The following KCNQ5 variants were observed in gnomAD, a reference collection of about 807,000 sequenced individuals.
KCNQ5 encodes potassium voltage-gated channel subfamily Q member 5.
Under a neutral mutation model 98.2 loss-of-function variants are expected in KCNQ5, and 30 were observed. The observed-to-expected ratio is 0.31, with a 90% CI of 0.23 to 0.41. KCNQ5 has a LOEUF of 0.41. KCNQ5 is among the 10% of genes least tolerant of loss of function. The probability of loss-of-function intolerance (pLI) is 1.00; values close to 1 mark genes in which losing one functional copy is unlikely to be tolerated. For missense variants in KCNQ5, 835 were observed against 1,182.5 expected (o/e 0.71, Z 4.31); for synonymous variants, 458 against 449.4 (o/e 1.02, Z -0.24).
chr6:72,807,933 G>A (rs1775033833), intron 1 of KCNQ5, among the ~76,000 whole-genome samples: 1 of 152,178 alleles, frequency 6.6e-6, no homozygotes, highest in African/African-American at 2.4e-5. Flanking sequence ...GGGGTAACTG[G>A]AAGTCCAGTA....
intron 1 of KCNQ5, among the ~76,000 whole-genome samples, chr6:72,973,808 C>G (rs916675748): frequency 6.6e-6 from 1 of 152,170 alleles, no homozygotes; most frequent in Non-Finnish European, 1.5e-5. Context: ...GAACTTAGTT[C>G]TGCCAAAGAA....
chr6:72,853,544 A>G (rs909458680), intron 1 of KCNQ5, among the ~76,000 whole-genome samples: 3 of 152,134 alleles, frequency 2.0e-5, no homozygotes, highest in African/African-American at 7.2e-5. Context: ...GGATTTCGCC[A>G]TGTTGGCCAA....
intron 5 of KCNQ5, among the ~76,000 whole-genome samples, chr6:73,083,392 AAC>A (rs1285577597): frequency 2.6e-5 from 4 of 152,194 alleles, no homozygotes; most frequent in African/African-American, 9.7e-5. Flanking sequence ...ATCAGGGGTG[AAC>A]ACACAACTAT....
chr6:72,632,177 G>C (rs1366214965), intron 1 of KCNQ5, among the ~76,000 whole-genome samples: 26 of 102,842 alleles, frequency 2.5e-4, no homozygotes, highest in African/African-American at 8.7e-4. Context: ...TCACTCTATT[G>C]CCCAGGCTGG....
At chr6:72,831,253 C>A (rs1776253743) in intron 1 of KCNQ5, among the ~76,000 whole-genome samples, 1 of 152,190 alleles carries the variant, frequency 6.6e-6, no homozygotes, top group Non-Finnish European at 1.5e-5. Context: ...GATTATAAAT[C>A]ATGCTGCTAT....
At chr6:72,755,403 T>C (rs949184399) in intron 1 of KCNQ5, among the ~76,000 whole-genome samples, 1 of 152,132 alleles carries the variant, frequency 6.6e-6, no homozygotes, top group Non-Finnish European at 1.5e-5. Flanking sequence ...ATTGATGTAA[T>C]ATGTTCTTTG....
At chr6:73,087,117 A>T (rs1026748504) in intron 5 of KCNQ5, among the ~76,000 whole-genome samples, 1 of 152,260 alleles carries the variant, frequency 6.6e-6, no homozygotes, top group African/African-American at 2.4e-5. Context: ...TGGAAATAAG[A>T]AAATGATACC....
At chr6:72,700,482 G>A (rs1191761894) in intron 1 of KCNQ5, among the ~76,000 whole-genome samples, 2 of 151,952 alleles carry the variant, frequency 1.3e-5, no homozygotes, top group Non-Finnish European at 2.9e-5. Flanking sequence ...AGGTTTTGGT[G>A]GAGTGTCTAC....
intron 10 of KCNQ5, chr6:73,157,421 G>A (rs2150488701): frequency 3.1e-6 from 2 of 638,406 alleles, no homozygotes; most frequent in African/African-American, 1.8e-5. Context: ...GCTCTGCACA[G>A]GCCGCCCGGG....
Position 72,622,828 on chromosome 6 carries a change from C to T in KCNQ5, c.398+241C>T, listed in dbSNP as rs1345909364. On this transcript the variant is annotated intron_variant, in intron 1 of 13. Transcript: ENST00000370398. This position sits in a 1 kb window ranked among gnomAD's most constrained non-coding sequence, Gnocchi z 6.0. ...CACCCAATGAACTGCCCGGTAGCTT[C>T]AGGCTCCCGGGGCGAGAGCCAGGCA... 2.0e-5 allele frequency among the ~76,000 whole-genome samples: 3 copies of T among 152,188 alleles called. No homozygotes were observed. The highest frequency in any genetic ancestry group is 4.4e-5 in the Non-Finnish European group (3 of 68,034).
At chr6:72,628,809 C>T (rs779117175) in intron 1 of KCNQ5, among the ~76,000 whole-genome samples, 1 of 152,028 alleles carries the variant, frequency 6.6e-6, no homozygotes, top group Non-Finnish European at 1.5e-5. Context: ...GATGGGGTTT[C>T]GCTATGTTGG....
intron 1 of KCNQ5, among the ~76,000 whole-genome samples, chr6:72,958,581 G>C (rs961389924): frequency 1.3e-5 from 2 of 152,088 alleles, no homozygotes; most frequent in Non-Finnish European, 1.5e-5. Flanking sequence ...ATATGGTTAT[G>C]GGATTTAGAT....
chr6:72,802,473 C>G (rs1347222020), intron 1 of KCNQ5, among the ~76,000 whole-genome samples: 1 of 152,138 alleles, frequency 6.6e-6, no homozygotes, highest in Admixed American at 6.6e-5. Context: ...AAACAATCCT[C>G]TTTTTACTTA....
chr6:72,856,553 A>G (rs1490560500), intron 1 of KCNQ5, among the ~76,000 whole-genome samples: 1 of 152,110 alleles, frequency 6.6e-6, no homozygotes, highest in African/African-American at 2.4e-5. Flanking sequence ...GGCAAAGGAA[A>G]TATGGTATGA....
At chr6:72,914,805 C>T (rs760219928) in intron 1 of KCNQ5, among the ~76,000 whole-genome samples, 33 of 151,684 alleles carry the variant, frequency 2.2e-4, no homozygotes, top group Non-Finnish European at 4.7e-4. Context: ...TGGATCCTTA[C>T]ATTCGGGTCT....
chr6:72,704,111 G>A (rs1000439975), intron 1 of KCNQ5, among the ~76,000 whole-genome samples: 6 of 152,088 alleles, frequency 3.9e-5, no homozygotes, highest in African/African-American at 7.2e-5. Context: ...AACAGTTTCT[G>A]TTCTAGGGTT....
rs773244926 is a variant in KCNQ5 at position 73,195,234 on chromosome 6, T to C, written c.2619T>C (p.Asp873=). 6.2e-7 allele frequency: 1 copy of C among 1,614,164 alleles called. No individual in the cohort carries two copies. Among genetic ancestry groups the C allele is most frequent in the South Asian group, 1.1e-5 (1 of 91,086 alleles). ...GGGAATCCAAATTGTTTATAACTGA[T>C]GAAGAGGTGGGTCCCGAAGAGACAG... The part of the protein sequence containing the change: ...KWRESKLFIT[D]EEVGPEETET... Residue 873 remains aspartate, a synonymous_variant, in exon 14 of 14, where the codon GAT becomes GAC. Transcript: ENST00000370398.
chr6:72,838,702 G>A (rs1009610945), intron 1 of KCNQ5, among the ~76,000 whole-genome samples: 1 of 151,952 alleles, frequency 6.6e-6, no homozygotes, highest in African/African-American at 2.4e-5. Flanking sequence ...TGTAATCCCA[G>A]CACTTTGGGA....
At position 72,784,985 on chromosome 6, in the gene KCNQ5, T is replaced by C. The variant is rs189517523; in HGVS notation, c.398+162398T>C. On this transcript the variant is annotated intron_variant, in intron 1 of 13. Transcript: ENST00000370398. ...ATCTAAGCACCAAACTACAAAAAGC[T>C]AAACAGCAGTTTAAAAATGATCAAA... 3.0e-3 allele frequency among the ~76,000 whole-genome samples: 461 copies of C among 152,222 alleles called. 3 individuals are homozygous for C. Among genetic ancestry groups the C allele is most frequent in the Admixed American group, 5.6e-3 (85 of 15,296 alleles).
Sources: allele counts gnomAD v4.1 joint callset (sites outside exome capture counted in the v4.1 genomes callset), GRCh38; gene constraint gnomAD v4.1.1; non-coding constraint Gnocchi (gnomAD v3.1); transcripts MANE v1.5; gene names NCBI Gene and HGNC (gene_info 2026-07-23, HGNC 2026-07-21).